Variants in SMG5 observed in about 807,000 individuals in gnomAD.
SMG5 encodes the protein SMG5 nonsense mediated mRNA decay factor.
Under a neutral mutation model 122.9 loss-of-function variants are expected in SMG5, and 53 were observed. The ratio of observed to expected loss-of-function variants is 0.43; its 90% CI spans 0.35 to 0.54. The LOEUF (loss-of-function observed/expected upper bound fraction) is 0.54. SMG5 is among the 20% of genes least tolerant of loss of function. The pLI is 0.01. For missense variants in SMG5, 1,153 were observed against 1,285.6 expected (o/e 0.90, Z 1.58); for synonymous variants, 477 against 490.2 (o/e 0.97, Z 0.35).
chr1:156,278,818 T>C (rs10752615), intron 2 of SMG5, 118 bp downstream of exon 2: 214,132 of 792,486 alleles, frequency 0.27, 30,512 homozygotes, highest in Non-Finnish European at 0.3. Flanking sequence ...TCAGAGACCA[T>C]TAAGGTACCA....
rs933124913 is a variant in SMG5, at chr1:156,252,949, C to T, written c.2632G>A (p.Gly878Ser). Residue 878 changes from glycine to serine, a missense_variant, in exon 18 of 22, where the codon GGC becomes AGC. Gly to Ser is a moderately conservative substitution (Grantham distance 56). Around this residue, in one of 5 missense-constraint regions of SMG5, gnomAD observed 140 missense variants for 227.8 expected, o/e 0.61. Coordinates refer to ENST00000361813, the MANE Select transcript of SMG5 (RefSeq NM_015327.3). Reference sequence around the variant, plus strand: ...CTTGGGATGATGACAATGAAGCGGCCACTGGTGGCCAGTTGGCGGATGACA... The same window carrying T: ...CTTGGGATGATGACAATGAAGCGGCTACTGGTGGCCAGTTGGCGGATGACA... ...LPVIRQLATS[G>S]RFIVIIPRTV... 13 of 1,611,626 alleles carry T rather than the reference C, an allele frequency of 8.1e-6. No individual in the cohort carries two copies. The African/African-American group carries it at 1.6e-4, about 20-fold the overall frequency.
Position 156,268,118 on chromosome 1 carries a change from CT to C in SMG5, c.904del (p.Ser302AlafsTer8). ...MYLQSLLQPK[S>X]SSVDSELTSL... The stretch of plus-strand genomic sequence containing the variant: ...GTTCATGCTCTCTTCCACTCACCTG[CT>C]TTTGGGCTGTAGGAGGCTTTGCAGA... On this transcript the variant is annotated frameshift_variant, in exon 9 of 22. Coordinates refer to ENST00000361813, the MANE Select transcript of SMG5 (RefSeq NM_015327.3). LOFTEE classifies it high-confidence loss of function. 6.2e-7 allele frequency: 1 copy of C among 1,614,158 alleles called. No homozygotes were observed. Among genetic ancestry groups the C allele is most frequent in the South Asian group, 1.1e-5 (1 of 91,086 alleles).
chr1:156,288,517 T>A, the SMG5 span, among the ~76,000 whole-genome samples: 16 of 151,950 alleles, frequency 1.1e-4, no homozygotes, highest in Non-Finnish European at 2.4e-4. Flanking sequence ...TTTGTATTTT[T>A]AGTAGAGACA....
chr1:156,274,005 T>C (rs1662566846), intron 5 of SMG5, among the ~76,000 whole-genome samples: 1 of 152,138 alleles, frequency 6.6e-6, no homozygotes, highest in African/African-American at 2.4e-5. Flanking sequence ...TCATCAAATA[T>C]CAAACAGCTG....
chr1:156,253,684 A>C, intron 16 of SMG5, 176 bp from the exon 17 acceptor site: 1 of 642,124 alleles, frequency 1.6e-6, no homozygotes. Context: ...CTTCCACTGC[A>C]CTCTGAACAA....
chr1:156,251,788 G>A (rs905222699), intron 19 of SMG5, among the ~76,000 whole-genome samples: 1 of 152,184 alleles, frequency 6.6e-6, no homozygotes, highest in African/African-American at 2.4e-5. Flanking sequence ...GCAGCTTCCT[G>A]GCCAGCCAGA....
chr1:156,256,920 TCTTTTC>T (rs1661600337), intron 16 of SMG5, among the ~76,000 whole-genome samples: 1 of 146,658 alleles, frequency 6.8e-6, no homozygotes, highest in Non-Finnish European at 1.5e-5. Flanking sequence ...CATTTTCTTT[TCTTTTC>T]CTTTTTTTTT....
intron 1 of SMG5, among the ~76,000 whole-genome samples, chr1:156,280,107 C>G (rs1253223967): frequency 6.6e-6 from 1 of 152,152 alleles, no homozygotes; most frequent in Non-Finnish European, 1.5e-5. Context: ...GGGGGAGACT[C>G]CAGGCACTAA....
intron 14 of SMG5, among the ~76,000 whole-genome samples, chr1:156,260,921 T>C (rs1421573266): frequency 6.6e-6 from 1 of 152,182 alleles, no homozygotes; most frequent in Non-Finnish European, 1.5e-5. Context: ...GATGAATGAA[T>C]AGCCCTTGGC....
At chr1:156,261,052 G>A (rs1661801506) in intron 14 of SMG5, among the ~76,000 whole-genome samples, 1 of 152,228 alleles carries the variant, frequency 6.6e-6, no homozygotes, top group South Asian at 2.1e-4. Context: ...CAGTGCAACA[G>A]CAGCAGCTAG....
chr1:156,258,021 G>A (rs1034931717), intron 16 of SMG5, among the ~76,000 whole-genome samples: 3 of 152,242 alleles, frequency 2.0e-5, no homozygotes, highest in African/African-American at 7.2e-5. Context: ...CTTGTTCACT[G>A]CTATAACCCC....
chr1:156,270,342 T>G (rs1265951222), intron 7 of SMG5, among the ~76,000 whole-genome samples: 1 of 152,146 alleles, frequency 6.6e-6, no homozygotes, highest in Non-Finnish European at 1.5e-5. Flanking sequence ...CTTGAGCCAC[T>G]ACATAAGAAG....
intron 2 of SMG5, among the ~76,000 whole-genome samples, chr1:156,278,377 GTT>G (rs370053043): frequency 7.1e-5 from 10 of 139,952 alleles, no homozygotes; most frequent in Non-Finnish European, 7.8e-5. Flanking sequence ...ATATTTTTGG[GTT>G]TTTTTTTTTT....
chr1:156,273,580 G>T, intron 5 of SMG5, 130 bp from the exon 6 acceptor site: 1 of 794,620 alleles, frequency 1.3e-6, no homozygotes, highest in Non-Finnish European at 2.1e-6. Flanking sequence ...TAGGAAGCAG[G>T]TTGCTGGGGT....
At chr1:156,267,757 A>G in intron 9 of SMG5, 79 bp from the exon 10 acceptor site, 1 of 1,283,498 alleles carries the variant, frequency 7.8e-7, no homozygotes, top group Non-Finnish European at 1.1e-6. Flanking sequence ...CAAGATTCAG[A>G]GAAAGGACTA....
At chr1:156,262,416 C>A (rs1255366045) in intron 13 of SMG5, among the ~76,000 whole-genome samples, 2 of 143,682 alleles carry the variant, frequency 1.4e-5, no homozygotes, top group African/African-American at 2.6e-5. Flanking sequence ...GCGGAACTTG[C>A]AGTGAGCCGA....
At chr1:156,279,138 G>C in intron 1 of SMG5, 104 bp from the exon 2 acceptor site, 1 of 970,906 alleles carries the variant, frequency 1.0e-6, no homozygotes, top group Non-Finnish European at 1.6e-6. Context: ...TTAGCGGTGA[G>C]GGAAAAAGGA....
chr1:156,278,109 C>T (rs917400728), intron 2 of SMG5, 61 bp from the exon 3 acceptor site: 1 of 1,598,290 alleles, frequency 6.3e-7, no homozygotes, highest in African/African-American at 1.3e-5. Context: ...GACATAAGAA[C>T]TGAGGGCAAG....
At chr1:156,261,164 G>T (rs1003992056) in intron 14 of SMG5, among the ~76,000 whole-genome samples, 169 bp downstream of exon 14, 2 of 152,220 alleles carry the variant, frequency 1.3e-5, no homozygotes, top group African/African-American at 4.8e-5. Flanking sequence ...TGTTGTGGTG[G>T]GAAACCGGAG....
Sources: allele counts gnomAD v4.1 joint callset (sites outside exome capture counted in the v4.1 genomes callset), GRCh38; gene constraint gnomAD v4.1.1; regional missense constraint gnomAD v4.1.1; transcripts MANE v1.5; gene names NCBI Gene and HGNC (gene_info 2026-07-23, HGNC 2026-07-21).